Variants in CAMKMT observed in about 807,000 individuals in gnomAD.
The protein encoded by CAMKMT is calmodulin-lysine N-methyltransferase, also known as CaM KMT.
Under a neutral mutation model 48.0 loss-of-function variants are expected in CAMKMT, and 53 were observed. The observed-to-expected ratio is 1.10, with a 90% confidence interval of 0.89 to 1.39. The LOEUF (loss-of-function observed/expected upper bound fraction) is 1.39. Ranked by LOEUF, CAMKMT falls within the 40% of genes most tolerant of loss-of-function variation. CAMKMT has a pLI of 0.00. For synonymous variants in CAMKMT, 165 were observed against 152.3 expected, an observed-to-expected ratio of 1.08 and a Z score of -0.61; for missense variants, 428 against 402.7, an observed-to-expected ratio of 1.06 and a Z score of -0.54.
At chr2:44,733,171 T>A (rs1679172723) in intron 7 of CAMKMT, among the ~76,000 whole-genome samples, 1 of 152,228 alleles carries the variant, frequency 6.6e-6, no homozygotes, top group Non-Finnish European at 1.5e-5. Flanking sequence ...CATCATTTCA[T>A]CCTTTGCTCA....
intron 3 of CAMKMT, among the ~76,000 whole-genome samples, chr2:44,490,914 C>A (rs999396334): frequency 6.6e-6 from 1 of 151,978 alleles, no homozygotes; most frequent in African/African-American, 2.4e-5. Context: ...CTTTGGGAGT[C>A]CGAGGTGGGT....
chr2:44,403,499 C>G (rs1169623232), intron 3 of CAMKMT, among the ~76,000 whole-genome samples: 1 of 152,180 alleles, frequency 6.6e-6, no homozygotes, highest in Non-Finnish European at 1.5e-5. Context: ...TTTAGTCCAT[C>G]CTTGTACTCT....
At chr2:44,575,598 A>G (rs1348495662) in intron 3 of CAMKMT, among the ~76,000 whole-genome samples, 2 of 152,126 alleles carry the variant, frequency 1.3e-5, no homozygotes, top group Non-Finnish European at 2.9e-5. Flanking sequence ...TGCCAGGTGC[A>G]TTGGCTCACG....
intron 3 of CAMKMT, among the ~76,000 whole-genome samples, chr2:44,511,426 C>G (rs1329047689): frequency 6.6e-6 from 1 of 152,078 alleles, no homozygotes; most frequent in Non-Finnish European, 1.5e-5. Context: ...GTAGCTGGGA[C>G]TACAGGTGTG....
intron 3 of CAMKMT, among the ~76,000 whole-genome samples, chr2:44,415,430 C>G (rs973262841): frequency 6.6e-5 from 10 of 152,184 alleles, no homozygotes; most frequent in Non-Finnish European, 1.3e-4. Flanking sequence ...GGTTACAAAT[C>G]AGTCTTGCCA....
chr2:44,383,252 C>A (rs1241829724), intron 2 of CAMKMT, among the ~76,000 whole-genome samples: 1 of 152,006 alleles, frequency 6.6e-6, no homozygotes, highest in Non-Finnish European at 1.5e-5. Context: ...GCATCCTTCA[C>A]CTCCCAGGTT....
intron 5 of CAMKMT, among the ~76,000 whole-genome samples, chr2:44,706,542 C>T (rs150892246): frequency 0.013 from 1,930 of 152,046 alleles, 28 homozygotes; most frequent in Admixed American, 0.032. Context: ...AACATTTTAC[C>T]TCAGTGTAGT....
At chr2:44,660,885 C>T (rs544962362) in intron 3 of CAMKMT, among the ~76,000 whole-genome samples, 11 of 152,172 alleles carry the variant, frequency 7.2e-5, no homozygotes, top group Admixed American at 1.3e-4. Context: ...GGCCACCACA[C>T]CTGGCCAGGC....
At chr2:44,626,807 A>G (rs2103952991) in intron 3 of CAMKMT, among the ~76,000 whole-genome samples, 1 of 152,288 alleles carries the variant, frequency 6.6e-6, no homozygotes, top group South Asian at 2.1e-4. Context: ...GCACGAGACC[A>G]TGTCCTGTAT....
intron 3 of CAMKMT, among the ~76,000 whole-genome samples, chr2:44,477,827 C>T (rs1325461089): frequency 6.6e-6 from 1 of 152,158 alleles, no homozygotes; most frequent in African/African-American, 2.4e-5. Context: ...AGCATATTCA[C>T]AATGGTACAG....
chr2:44,429,277 ATG>A (rs34628835), intron 3 of CAMKMT, among the ~76,000 whole-genome samples: 15,405 of 146,918 alleles, frequency 0.1, 1,002 homozygotes, highest in East Asian at 0.34. Context: ...GTGTGTGTGT[ATG>A]TGTGTGTGTG....
chr2:44,658,221 G>T (rs78693434), intron 3 of CAMKMT, among the ~76,000 whole-genome samples: 6 of 152,180 alleles, frequency 3.9e-5, no homozygotes, highest in African/African-American at 9.6e-5. Context: ...CTTCTAGTGC[G>T]GCTGAGAATT....
intron 2 of CAMKMT, 81 bp downstream of exon 2, chr2:44,372,969 A>T: frequency 7.8e-7 from 1 of 1,281,960 alleles, no homozygotes; most frequent in Non-Finnish European, 1.1e-6. Context: ...AATCATCATT[A>T]TTTATTCTAT....
chr2:44,471,900 C>T (rs184016175), intron 3 of CAMKMT, among the ~76,000 whole-genome samples: 6 of 152,008 alleles, frequency 3.9e-5, no homozygotes, highest in African/African-American at 1.2e-4. Flanking sequence ...AGACTGGTCT[C>T]AAACTACTGA....
intron 3 of CAMKMT, among the ~76,000 whole-genome samples, chr2:44,648,189 A>C (rs1673859259): frequency 6.6e-6 from 1 of 152,090 alleles, no homozygotes; most frequent in Admixed American, 6.5e-5. Context: ...TAAAAAAGAA[A>C]TATTTATGTA....
chr2:44,511,362 C>T (rs999056249), intron 3 of CAMKMT, among the ~76,000 whole-genome samples: 1 of 152,188 alleles, frequency 6.6e-6, no homozygotes, highest in African/African-American at 2.4e-5. Context: ...CATCTCGGCT[C>T]ACTGCAACCT....
chr2:44,449,050 A>G (rs529775824), intron 3 of CAMKMT, among the ~76,000 whole-genome samples: 1 of 152,300 alleles, frequency 6.6e-6, no homozygotes, highest in East Asian at 1.9e-4. Context: ...GATTGCGACA[A>G]TGTTTGCACA....
At chr2:44,526,317 G>A (rs1355016901) in intron 3 of CAMKMT, among the ~76,000 whole-genome samples, 1 of 152,140 alleles carries the variant, frequency 6.6e-6, no homozygotes, top group East Asian at 1.9e-4. Flanking sequence ...TTTTATACAT[G>A]TAGATATAAA....
chr2:44,397,094 T>G (rs542124277), intron 3 of CAMKMT, among the ~76,000 whole-genome samples: 2 of 152,042 alleles, frequency 1.3e-5, no homozygotes, highest in South Asian at 2.1e-4. Flanking sequence ...ACACAATATT[T>G]TGTTTTAAAA....
Sources: allele counts gnomAD v4.1 joint callset (sites outside exome capture counted in the v4.1 genomes callset), GRCh38; gene constraint gnomAD v4.1.1; transcripts MANE v1.5; gene names NCBI Gene and HGNC (gene_info 2026-07-23, HGNC 2026-07-21).